The following SPMAP2L variants were observed in gnomAD, a reference collection of about 807,000 sequenced individuals.
SPMAP2L encodes the protein sperm microtubule associated protein 2 like, also known as sperm microtubule associated protein 2-like.
At chr4:56,612,035 G>A in the SPMAP2L span, among the ~76,000 whole-genome samples, 3 of 152,188 alleles carry the variant, frequency 2.0e-5, no homozygotes. Context: ...TCCCATTTGG[G>A]TGGTCTTTGT....
the SPMAP2L span, among the ~76,000 whole-genome samples, chr4:56,582,587 A>T: frequency 5.3e-5 from 8 of 152,228 alleles, no homozygotes; most frequent in African/African-American, 1.9e-4. Context: ...GGATGTGGAA[A>T]CATTAAAACC....
chr4:56,600,236 A>G, the SPMAP2L span, among the ~76,000 whole-genome samples: 1 of 150,158 alleles, frequency 6.7e-6, no homozygotes, highest in African/African-American at 2.5e-5. Flanking sequence ...GGCACAAGCC[A>G]TTGTGCTTGG....
the SPMAP2L span, among the ~76,000 whole-genome samples, chr4:56,567,666 T>C: frequency 3.9e-5 from 6 of 152,156 alleles, no homozygotes; most frequent in South Asian, 1.2e-3. Context: ...TATTTCACTT[T>C]CATTTTGAAC....
chr4:56,534,924 C>T, the SPMAP2L span, among the ~76,000 whole-genome samples: 4 of 151,464 alleles, frequency 2.6e-5, no homozygotes, highest in East Asian at 5.8e-4. Flanking sequence ...AGTGAAACTC[C>T]ATCTCAACAA....
the SPMAP2L span, chr4:56,603,426 C>A: frequency 4.7e-5 from 34 of 729,846 alleles, no homozygotes; most frequent in Non-Finnish European, 6.6e-5. Flanking sequence ...TCACCCCTTG[C>A]TTCCCCTCCC....
the SPMAP2L span, chr4:56,593,062 C>CA: frequency 1.3e-6 from 2 of 1,584,474 alleles, no homozygotes; most frequent in Non-Finnish European, 1.7e-6. Flanking sequence ...CCTATATTGG[C>CA]ATGGGCTATT....
At chr4:56,551,451 C>T in the SPMAP2L span, among the ~76,000 whole-genome samples, 1 of 152,122 alleles carries the variant, frequency 6.6e-6, no homozygotes, top group African/African-American at 2.4e-5. Flanking sequence ...TATCACATAG[C>T]AAGTTTAGTC....
the SPMAP2L span, among the ~76,000 whole-genome samples, chr4:56,541,513 AT>A: frequency 2.6e-4 from 40 of 152,052 alleles, no homozygotes; most frequent in African/African-American, 7.7e-4. Flanking sequence ...AACGTAAAAT[AT>A]TTTTTTATTA....
At chr4:56,545,718 CAAAA>C in the SPMAP2L span, among the ~76,000 whole-genome samples, 14 of 94,114 alleles carry the variant, frequency 1.5e-4, no homozygotes, top group African/African-American at 4.4e-4. Flanking sequence ...GACCCTGTCT[CAAAA>C]AAAAAAAAAA....
At chr4:56,602,280 C>A in the SPMAP2L span, among the ~76,000 whole-genome samples, 1 of 151,912 alleles carries the variant, frequency 6.6e-6, no homozygotes, top group Admixed American at 6.6e-5. Context: ...AAGTCTTGAG[C>A]TCAGGGAAAA....
At chr4:56,547,393 A>G in the SPMAP2L span, among the ~76,000 whole-genome samples, 1,198 of 152,070 alleles carry the variant, frequency 7.9e-3, 16 homozygotes, top group African/African-American at 0.027. Flanking sequence ...TTACAGGCAC[A>G]CACCACTATG....
the SPMAP2L span, among the ~76,000 whole-genome samples, chr4:56,573,025 A>C: frequency 6.6e-6 from 1 of 152,034 alleles, no homozygotes; most frequent in African/African-American, 2.4e-5. Flanking sequence ...CCAAAAAAAA[A>C]AAAAAAAAAT....
the SPMAP2L span, among the ~76,000 whole-genome samples, chr4:56,614,706 G>A: frequency 7.9e-5 from 12 of 152,226 alleles, no homozygotes; most frequent in South Asian, 2.1e-3. Flanking sequence ...AAGATTAAGC[G>A]AGACAATGGA....
chr4:56,557,267 AAAAAG>A, the SPMAP2L span, among the ~76,000 whole-genome samples: 11 of 150,112 alleles, frequency 7.3e-5, no homozygotes, highest in Admixed American at 6.0e-4. Context: ...CAAAAAAAAA[AAAAAG>A]AAAAGAAAAG....
the SPMAP2L span, chr4:56,559,558 G>A: frequency 8.3e-5 from 119 of 1,441,648 alleles, no homozygotes; most frequent in Non-Finnish European, 1.0e-4. Flanking sequence ...TTTATCAGGA[G>A]GTTTTTTGTT....
chr4:56,566,839 G>C, the SPMAP2L span, among the ~76,000 whole-genome samples: 1 of 151,512 alleles, frequency 6.6e-6, no homozygotes, highest in Non-Finnish European at 1.5e-5. Flanking sequence ...TGGGATTACA[G>C]GCATGCGCAA....
At chr4:56,581,286 C>G in the SPMAP2L span, among the ~76,000 whole-genome samples, 1 of 152,092 alleles carries the variant, frequency 6.6e-6, no homozygotes, top group Non-Finnish European at 1.5e-5. Flanking sequence ...AAAACCTCGT[C>G]TCTACTAAAA....
the SPMAP2L span, among the ~76,000 whole-genome samples, chr4:56,604,054 T>G: frequency 6.6e-6 from 1 of 152,262 alleles, no homozygotes; most frequent in East Asian, 1.9e-4. Context: ...ATGGGGCATA[T>G]CTAGATTTGC....
At chr4:56,600,882 G>A in the SPMAP2L span, 1 of 1,492,214 alleles carries the variant, frequency 6.7e-7, no homozygotes, top group South Asian at 1.3e-5. Flanking sequence ...TATAGACATA[G>A]AGAAATGTAA....
Sources: gnomAD v4.1 joint callset for allele counts (sites outside exome capture counted in the v4.1 genomes callset) on GRCh38, gnomAD v4.1.1 for gene constraint, MANE v1.5 for transcripts, NCBI Gene and HGNC (gene_info 2026-07-23, HGNC 2026-07-21) for gene names.